Variants in PTPN11 observed in about 807,000 individuals in gnomAD.
PTPN11 encodes tyrosine-protein phosphatase non-receptor type 11.
PTPN11 carries 6 observed loss-of-function variants against 78.8 expected under a neutral mutation model. The observed-to-expected ratio is 0.08, with a 90% CI of 0.04 to 0.15. PTPN11 has a LOEUF of 0.15. Ranked by LOEUF, PTPN11 falls within the 10% of genes least tolerant of loss-of-function variation. The pLI is 1.00. For missense variants in PTPN11, 386 were observed against 744.8 expected (o/e 0.52, Z 5.61); for synonymous variants, 221 against 263.5 (o/e 0.84, Z 1.56).
At chr12:112,445,267 G>C (rs1224684485) in intron 1 of PTPN11, among the ~76,000 whole-genome samples, 1 of 152,042 alleles carries the variant, frequency 6.6e-6, no homozygotes, top group Non-Finnish European at 1.5e-5. Context: ...GAGTAGCTGG[G>C]ATTACAGGTG....
Position 112,508,715 on chromosome 12 carries a change from T to C in PTPN11, c.*2923T>C, listed in dbSNP as rs1442500710. The C allele has an allele frequency of 6.6e-6, 1 of 152,192 alleles. No homozygotes were observed. Among genetic ancestry groups the C allele is most frequent in the Admixed American group, 6.5e-5 (1 of 15,280 alleles). 9.4% of individuals were successfully genotyped at this position (152,192 alleles called of 1,614,324 possible). A position where few individuals can be genotyped will look rare whatever the true frequency, so the allele number is the denominator to read the frequency against. ...CCAAATTTCACAGTCTTAATAACTT[T>C]TTTTAAAAAAAACTAAAAGGCGCTT... On this transcript the variant is annotated 3_prime_UTR_variant, in exon 16 of 16. Transcript: ENST00000351677.
Position 112,504,563 on chromosome 12 carries a change from C to T in PTPN11, c.1713-132C>T. The T allele has an allele frequency of 1.4e-6, 1 of 706,876 alleles. No individual in the cohort carries two copies. Among genetic ancestry groups the T allele is most frequent in the South Asian group, 1.6e-5 (1 of 62,678 alleles). The allele number at this position is 706,876 out of a possible 1,614,324, so 43.8% of individuals were successfully genotyped here. Reference sequence around the variant, plus strand: ...CTTCTCTCCCTGGGAATGTCAGGTCCTAGGCACAGGAACTGTGTCTGTACC... The same window carrying T: ...CTTCTCTCCCTGGGAATGTCAGGTCTTAGGCACAGGAACTGTGTCTGTACC... On this transcript the variant is annotated intron_variant, in intron 14 of 15. Transcript: ENST00000351677. This position sits in a 1 kb window ranked among gnomAD's most constrained non-coding sequence, Gnocchi z 4.7.
At chr12:112,473,840 C>T (rs1311686325) in intron 7 of PTPN11, among the ~76,000 whole-genome samples, 15 of 148,840 alleles carry the variant, frequency 1.0e-4, no homozygotes, top group African/African-American at 2.8e-4. Context: ...AGCAAAACTC[C>T]GTCTCAAAAA....
intron 7 of PTPN11, among the ~76,000 whole-genome samples, chr12:112,477,030 C>T (rs1268578210): frequency 6.6e-6 from 1 of 151,936 alleles, no homozygotes; most frequent in African/African-American, 2.4e-5. Context: ...TCCCCCTCCC[C>T]TTTTCTTTTT....
At chr12:112,461,501 T>C (rs1284473754) in intron 6 of PTPN11, among the ~76,000 whole-genome samples, 1 of 151,876 alleles carries the variant, frequency 6.6e-6, no homozygotes, top group Non-Finnish European at 1.5e-5. Flanking sequence ...AATTTTTTGA[T>C]TCTTTTGTAG....
intron 14 of PTPN11, 55 bp downstream of exon 14, chr12:112,502,311 T>C: frequency 6.8e-7 from 1 of 1,463,974 alleles, no homozygotes; most frequent in South Asian, 1.1e-5. Flanking sequence ...TTAAAAAGGT[T>C]TAAAAAACAA....
chr12:112,478,993 C>T (rs967279626), intron 9 of PTPN11, among the ~76,000 whole-genome samples: 1 of 152,166 alleles, frequency 6.6e-6, no homozygotes, highest in South Asian at 2.1e-4. Flanking sequence ...CTTGACCTCC[C>T]AAAGTGTTGG....
intron 13 of PTPN11, 135 bp downstream of exon 13, chr12:112,489,310 A>C: frequency 9.6e-7 from 1 of 1,046,968 alleles, no homozygotes; most frequent in Non-Finnish European, 1.5e-6. Flanking sequence ...CTCCCAACTA[A>C]AAGGGCCTCT....
At chr12:112,473,091 C>A in intron 7 of PTPN11, 51 bp downstream of exon 7, 2 of 1,406,032 alleles carry the variant, frequency 1.4e-6, no homozygotes, top group Non-Finnish European at 2.0e-6. Context: ...GATTTTGATT[C>A]CTAGCACCTC....
At chr12:112,470,654 C>A (rs1311061334) in intron 6 of PTPN11, among the ~76,000 whole-genome samples, 2 of 152,150 alleles carry the variant, frequency 1.3e-5, no homozygotes, top group African/African-American at 4.8e-5. Flanking sequence ...CACCGCCCCC[C>A]CACCTCAGTG....
intron 7 of PTPN11, among the ~76,000 whole-genome samples, chr12:112,476,235 C>T (rs1480348558): frequency 6.6e-6 from 1 of 152,062 alleles, no homozygotes; most frequent in Non-Finnish European, 1.5e-5. Context: ...CTTTTTCCTC[C>T]CTTAAAGGTC....
intron 1 of PTPN11, among the ~76,000 whole-genome samples, chr12:112,441,434 G>A (rs546898719): frequency 7.3e-5 from 11 of 150,412 alleles, no homozygotes; most frequent in Non-Finnish European, 1.5e-4. Context: ...GCTAATGTTC[G>A]TATTTTTTTG....
chr12:112,471,333 T>G (rs1412667434), intron 6 of PTPN11, among the ~76,000 whole-genome samples: 1 of 152,114 alleles, frequency 6.6e-6, no homozygotes, highest in Non-Finnish European at 1.5e-5. Flanking sequence ...TGATTTCCCA[T>G]TAAACACTAG....
chr12:112,468,790 G>T (rs1566176555), intron 6 of PTPN11, among the ~76,000 whole-genome samples: 1 of 152,222 alleles, frequency 6.6e-6, no homozygotes, highest in Non-Finnish European at 1.5e-5. Context: ...CAGGACAGGT[G>T]CAGTGGCTCA....
intron 14 of PTPN11, among the ~76,000 whole-genome samples, chr12:112,502,746 A>AAAAAT (rs916788571): frequency 2.6e-5 from 4 of 152,150 alleles, no homozygotes; most frequent in African/African-American, 9.7e-5. Flanking sequence ...GCCTCTGTCT[A>AAAAAT]AAAATAAAAT....
At chr12:112,496,830 C>G (rs1242705012) in intron 13 of PTPN11, among the ~76,000 whole-genome samples, 2 of 152,172 alleles carry the variant, frequency 1.3e-5, no homozygotes, top group Non-Finnish European at 2.9e-5. Context: ...CTTCAGTATA[C>G]AGAGATCTGA....
intron 6 of PTPN11, chr12:112,457,567 G>A (rs2038183047): frequency 6.5e-6 from 1 of 152,946 alleles, no homozygotes; most frequent in Non-Finnish European, 1.5e-5. Context: ...GGTATTTCTG[G>A]TTCTAGATCC....
chr12:112,485,244 ACT>A (rs1427485333), intron 10 of PTPN11, among the ~76,000 whole-genome samples: 2 of 151,664 alleles, frequency 1.3e-5, no homozygotes, highest in African/African-American at 2.4e-5. Flanking sequence ...ACAGAGTGAG[ACT>A]CTGTCTCAAA....
At chr12:112,458,929 G>T (rs2038205514) in intron 6 of PTPN11, among the ~76,000 whole-genome samples, 1 of 151,994 alleles carries the variant, frequency 6.6e-6, no homozygotes, top group African/African-American at 2.4e-5. Flanking sequence ...GCTACTCTGG[G>T]GGTTGAGGTG....
Sources: gnomAD v4.1 joint callset for allele counts (sites outside exome capture counted in the v4.1 genomes callset) on GRCh38, gnomAD v4.1.1 for gene constraint, Gnocchi (gnomAD v3.1) non-coding constraint, MANE v1.5 for transcripts, NCBI Gene and HGNC (gene_info 2026-07-23, HGNC 2026-07-21) for gene names.